The following ENAH variants were observed in gnomAD, a reference collection of about 807,000 sequenced individuals.
ENAH encodes protein enabled homolog.
A neutral mutation model predicts 78.7 loss-of-function variants in ENAH; 23 were observed. That is an observed-to-expected ratio of 0.29 (90% CI 0.21 to 0.41). ENAH has a LOEUF of 0.41. ENAH is among the 10% of genes least tolerant of loss of function. The pLI, the probability that ENAH is intolerant of heterozygous loss-of-function variation, is 1.00. For synonymous variants in ENAH, 226 were observed against 241.0 expected, an observed-to-expected ratio of 0.94 and a Z score of 0.58; for missense variants, 544 against 691.0, an observed-to-expected ratio of 0.79 and a Z score of 2.39.
At chr1:225,521,425 G>A (rs978476204) in intron 4 of ENAH, among the ~76,000 whole-genome samples, 28 of 152,032 alleles carry the variant, frequency 1.8e-4, no homozygotes, top group Non-Finnish European at 3.5e-4. Flanking sequence ...TTGGGAGGCC[G>A]AGGTCAGGAG....
chr1:225,625,175 TG>T (rs1473615622), intron 1 of ENAH, among the ~76,000 whole-genome samples: 1 of 152,226 alleles, frequency 6.6e-6, no homozygotes, highest in African/African-American at 2.4e-5. Flanking sequence ...AGGCTATGAA[TG>T]TTTAGTTTTA....
chr1:225,558,555 G>A (rs1378892699), intron 2 of ENAH, among the ~76,000 whole-genome samples: 1 of 142,724 alleles, frequency 7.0e-6, no homozygotes, highest in Non-Finnish European at 1.5e-5. Flanking sequence ...TTCAAGAGCT[G>A]TCCCTCACAA....
At chr1:225,638,233 A>T (rs928870772) in intron 1 of ENAH, among the ~76,000 whole-genome samples, 9 of 152,164 alleles carry the variant, frequency 5.9e-5, no homozygotes, top group African/African-American at 2.2e-4. Context: ...TTGAAAAAAA[A>T]GCAGCCTCAA....
At position 225,492,014 on chromosome 1, in the gene ENAH, A is replaced by T. The variant is rs981200709; in HGVS notation, c.*5761T>A. On this transcript the variant is annotated 3_prime_UTR_variant, in exon 14 of 14. Coordinates refer to ENST00000366843, the MANE Select transcript of ENAH (RefSeq NM_018212.6). Reference sequence around the variant, plus strand: ...TTTTACGGAATAAATGTAGTCTAACAAACTGGGCTCTCTAATGAAATATGT... The same window carrying T: ...TTTTACGGAATAAATGTAGTCTAACTAACTGGGCTCTCTAATGAAATATGT... 9 of 152,192 alleles carry T rather than the reference A, an allele frequency of 5.9e-5. No individual in the cohort carries two copies. Among genetic ancestry groups the T allele is most frequent in the African/African-American group, 2.2e-4 (9 of 41,444 alleles). The allele number at this position is 152,192 out of a possible 1,614,324, so 9.4% of individuals were successfully genotyped here.
At chr1:225,646,815 T>C (rs1558960248) in intron 1 of ENAH, among the ~76,000 whole-genome samples, 1 of 151,242 alleles carries the variant, frequency 6.6e-6, no homozygotes, top group Non-Finnish European at 1.5e-5. Flanking sequence ...AAATAAAAAA[T>C]AATTTTCTGT....
intron 1 of ENAH, among the ~76,000 whole-genome samples, chr1:225,598,924 C>T (rs554266358): frequency 2.6e-5 from 4 of 151,754 alleles, no homozygotes; most frequent in Non-Finnish European, 4.4e-5. Flanking sequence ...AAGCATCACT[C>T]TACAGTCCAC....
chr1:225,611,220 T>G (rs1453277422), intron 1 of ENAH, among the ~76,000 whole-genome samples: 2 of 152,284 alleles, frequency 1.3e-5, no homozygotes, highest in Middle Eastern at 3.4e-3. Flanking sequence ...TCCCAGCACT[T>G]TGGGAGCCAA....
intron 5 of ENAH, among the ~76,000 whole-genome samples, chr1:225,518,888 A>G (rs2096443015): frequency 6.6e-6 from 1 of 152,208 alleles, no homozygotes; most frequent in African/African-American, 2.4e-5. Context: ...TTTGAAGTTC[A>G]TCCAGTATAA....
upstream of ENAH, among the ~76,000 whole-genome samples, chr1:225,653,635 G>A (rs537997693): frequency 2.9e-3 from 435 of 152,178 alleles, 1 homozygote; most frequent in Non-Finnish European, 4.8e-3. This position sits in a 1 kb window ranked among gnomAD's most constrained non-coding sequence, Gnocchi z 4.3. Flanking sequence ...GCGTGACTGG[G>A]CACAGGGCCG....
At chr1:225,653,507 C>T (rs2148550402), upstream of ENAH, among the ~76,000 whole-genome samples, 1 of 151,492 alleles carries the variant, frequency 6.6e-6, no homozygotes, top group South Asian at 2.1e-4. The surrounding 1 kb of genome is among the most constrained non-coding windows in gnomAD (Gnocchi z 4.3). Flanking sequence ...CCCGTCGCCT[C>T]CCGCTCCCCA....
intron 4 of ENAH, among the ~76,000 whole-genome samples, chr1:225,530,069 T>TC (rs1232615210): frequency 6.6e-6 from 1 of 152,242 alleles, no homozygotes; most frequent in Admixed American, 6.5e-5. Context: ...CTGACCACTT[T>TC]CAGAGAACTC....
intron 1 of ENAH, among the ~76,000 whole-genome samples, chr1:225,595,065 T>A (rs953204595): frequency 2.6e-5 from 4 of 152,184 alleles, no homozygotes; most frequent in African/African-American, 9.6e-5. Context: ...CCAGGCGCGG[T>A]GGCTCAAGCC....
At position 225,516,397 on chromosome 1, in the gene ENAH, C is replaced by T. The variant is rs537015601; in HGVS notation, c.913+799G>A. 4.6e-5 allele frequency among the ~76,000 whole-genome samples: 7 copies of T among 152,246 alleles called. No homozygotes were observed. The East Asian group carries it at 1.3e-3, about 29-fold the overall frequency. On this transcript the variant is annotated intron_variant, in intron 6 of 13. Coordinates refer to ENST00000366843, the MANE Select transcript of ENAH (RefSeq NM_018212.6). ...CATGGGGCATCTAATATAGGAAAGG[C>T]AAGAAGGAAACAGGGCCCAAGATCA...
intron 1 of ENAH, among the ~76,000 whole-genome samples, chr1:225,587,048 T>C (rs769429702): frequency 1.3e-5 from 2 of 152,160 alleles, no homozygotes; most frequent in Non-Finnish European, 2.9e-5. Context: ...TGATTTCCCC[T>C]AATGTGATAA....
At chr1:225,526,441 C>T (rs1450461107) in intron 4 of ENAH, among the ~76,000 whole-genome samples, 3 of 151,604 alleles carry the variant, frequency 2.0e-5, no homozygotes, top group East Asian at 1.9e-4. Context: ...CGGGTTCAAG[C>T]GATTCTTCTG....
rs1022242921 is a variant in ENAH at position 225,500,935 on chromosome 1, G to T, written c.1617+57C>A. The T allele has an allele frequency of 8.8e-6, 13 of 1,472,214 alleles. No individual in the cohort carries two copies. The African/African-American group carries it at 1.7e-4, about 19-fold the overall frequency. 91.2% of individuals were successfully genotyped at this position (1,472,214 alleles called of 1,614,324 possible). On this transcript the variant is annotated intron_variant, in intron 12 of 13. Transcript: ENST00000366843. Reference sequence around the variant, plus strand: ...ATCCATGTCAAAGATATGCATATGGGATATTTTTTAAAAAGAAACAAGTAC... The same window carrying T: ...ATCCATGTCAAAGATATGCATATGGTATATTTTTTAAAAAGAAACAAGTAC...
chr1:225,504,851 C>G (rs1423141385), intron 11 of ENAH: 1 of 482,584 alleles, frequency 2.1e-6, no homozygotes, highest in Non-Finnish European at 3.7e-6. Flanking sequence ...GAAGTGATGG[C>G]AGAATTTTTA....
chr1:225,488,631 T>TGAA lies in ENAH; in HGVS notation c.*9143_*9144insTTC, dbSNP rs1292048333. ...GAATTCTTTCTAGCTCATTCAGTTT[T>TGAA]GTTAGAAACACTTCATGTTCTCCAA... On this transcript the variant is annotated 3_prime_UTR_variant, in exon 14 of 14. Coordinates refer to ENST00000366843, the MANE Select transcript of ENAH (RefSeq NM_018212.6). 1.3e-5 allele frequency: 2 copies of TGAA among 152,242 alleles called. No homozygotes were observed. Among genetic ancestry groups the TGAA allele is most frequent in the Non-Finnish European group, 2.9e-5 (2 of 68,038 alleles). The allele number at this position is 152,242 out of a possible 1,614,324, so 9.4% of individuals were successfully genotyped here.
At position 225,555,041 on chromosome 1, in the gene ENAH, G is replaced by C. The variant is rs2096659383; in HGVS notation, c.214C>G (p.Gln72Glu). Residue 72 changes from glutamine to glutamate, a missense_variant, in exon 3 of 14, where the codon CAA becomes GAA. Physicochemically the swap from Gln to Glu is conservative, Grantham distance 29 (BLOSUM62 2). This residue lies in a region of ENAH where 77 missense variants were observed against 151.8 expected (regional missense o/e 0.51). Transcript: ENST00000366843. ...CAIPKGLKYN[Q>E]ATQTFHQWRD... ...CACTGGTGGAAGGTCTGTGTAGCTT[G>C]ATTGTACTTCAACCCTTTAGGAATG... 6.3e-7 allele frequency: 1 copy of C among 1,594,192 alleles called. No homozygotes were observed. The highest frequency in any genetic ancestry group is 8.6e-7 in the Non-Finnish European group (1 of 1,164,240).
Sources: gnomAD v4.1 joint callset for allele counts (sites outside exome capture counted in the v4.1 genomes callset) on GRCh38, gnomAD v4.1.1 for gene constraint, gnomAD v4.1.1 regional missense constraint, Gnocchi (gnomAD v3.1) non-coding constraint, MANE v1.5 for transcripts, NCBI Gene and HGNC (gene_info 2026-07-23, HGNC 2026-07-21) for gene names.